Variants in FRMD4B observed in about 807,000 individuals in gnomAD.
FRMD4B encodes FERM domain containing 4B.
In FRMD4B, 74 loss-of-function variants were observed where a neutral mutation model predicts 141.5. That is an observed-to-expected ratio of 0.52 (90% CI 0.43 to 0.63). FRMD4B has a LOEUF of 0.63. FRMD4B is among the 30% of genes least tolerant of loss of function. FRMD4B has a pLI of 0.00. For missense variants in FRMD4B, 1,366 were observed against 1,253.4 expected, an observed-to-expected ratio of 1.09 and a Z score of -1.36; for synonymous variants, 506 against 467.9, an observed-to-expected ratio of 1.08 and a Z score of -1.05.
At chr3:69,497,720 T>C (rs1336549008) in intron 1 of FRMD4B, among the ~76,000 whole-genome samples, 2 of 152,132 alleles carry the variant, frequency 1.3e-5, no homozygotes, top group African/African-American at 4.8e-5. Flanking sequence ...TCATGGAACT[T>C]TTTTTAAGAC....
chr3:69,457,300 C>G (rs1366363220), intron 1 of FRMD4B, among the ~76,000 whole-genome samples: 1 of 152,134 alleles, frequency 6.6e-6, no homozygotes, highest in Admixed American at 6.5e-5. Context: ...GTTAGCATGG[C>G]TGTATCTGGG....
exon 1 of FRMD4B, chr3:69,542,241 C>A (rs139994214): frequency 0.02 from 3,070 of 152,388 alleles, 34 homozygotes; most frequent in Non-Finnish European, 0.031. Flanking sequence ...CGCTCCGGGG[C>A]TGTAGACGGC....
intron 5 of FRMD4B, among the ~76,000 whole-genome samples, chr3:69,268,518 G>T (rs1039237667): frequency 2.6e-5 from 4 of 151,950 alleles, no homozygotes; most frequent in Non-Finnish European, 5.9e-5. Context: ...TTGCTTAAAC[G>T]CACCCTGGCA....
chr3:69,318,540 C>T (rs1253209347), intron 1 of FRMD4B, among the ~76,000 whole-genome samples: 2 of 152,078 alleles, frequency 1.3e-5, no homozygotes, highest in South Asian at 2.1e-4. Flanking sequence ...CACAGATGAA[C>T]TAGAGAGAAA....
intron 11 of FRMD4B, among the ~76,000 whole-genome samples, chr3:69,203,337 A>AGAAAG (rs1195361268): frequency 2.5e-5 from 3 of 120,296 alleles, no homozygotes; most frequent in African/African-American, 3.1e-5. Context: ...AAAAAAAAAA[A>AGAAAG]AAAAAAAGAA....
At chr3:69,235,006 C>T (rs1411291652) in intron 7 of FRMD4B, among the ~76,000 whole-genome samples, 3 of 151,322 alleles carry the variant, frequency 2.0e-5, no homozygotes, top group Non-Finnish European at 2.9e-5. Flanking sequence ...AAAAATTAGC[C>T]GGGTGTGGTG....
At chr3:69,346,642 A>G (rs1575752389) in intron 1 of FRMD4B, among the ~76,000 whole-genome samples, 1 of 152,170 alleles carries the variant, frequency 6.6e-6, no homozygotes, top group Admixed American at 6.5e-5. Flanking sequence ...CTCGGCAGAA[A>G]CTCTACAAGC....
intron 2 of FRMD4B, among the ~76,000 whole-genome samples, chr3:69,429,415 C>T (rs1243007908): frequency 1.3e-5 from 2 of 152,056 alleles, no homozygotes; most frequent in Non-Finnish European, 2.9e-5. Context: ...CTTCCAATGA[C>T]GAGTATTTAA....
At chr3:69,371,451 G>A (rs1703820776) in intron 1 of FRMD4B, among the ~76,000 whole-genome samples, 1 of 152,118 alleles carries the variant, frequency 6.6e-6, no homozygotes, top group Non-Finnish European at 1.5e-5. Flanking sequence ...TCTCAGAGTT[G>A]GGAAGTCATT....
chr3:69,503,420 C>A (rs1194893024), intron 1 of FRMD4B, among the ~76,000 whole-genome samples: 1 of 151,232 alleles, frequency 6.6e-6, no homozygotes, highest in African/African-American at 2.4e-5. Flanking sequence ...TCATTCTCAG[C>A]AAACTATCAC....
At chr3:69,375,074 A>T (rs950326924) in intron 1 of FRMD4B, among the ~76,000 whole-genome samples, 2 of 122,324 alleles carry the variant, frequency 1.6e-5, no homozygotes, top group Non-Finnish European at 3.2e-5. Context: ...CCAAGCATCC[A>T]TCCAACCAAA....
intron 1 of FRMD4B, among the ~76,000 whole-genome samples, chr3:69,349,374 A>G (rs963079352): frequency 3.3e-5 from 5 of 152,264 alleles, no homozygotes; most frequent in Non-Finnish European, 7.3e-5. Context: ...GGAAGAATCA[A>G]TATCGTGAAA....
chr3:69,397,442 T>A (rs1413209324), intron 2 of FRMD4B, among the ~76,000 whole-genome samples: 2 of 152,140 alleles, frequency 1.3e-5, no homozygotes, highest in Non-Finnish European at 2.9e-5. Flanking sequence ...TAAAAACCAA[T>A]GAATTGTACA....
intron 5 of FRMD4B, among the ~76,000 whole-genome samples, chr3:69,265,307 T>A (rs1243969352): frequency 1.8e-5 from 2 of 109,352 alleles, no homozygotes; most frequent in African/African-American, 3.4e-5. Context: ...TATATATATA[T>A]ATATATATGC....
rs568961085 is a variant in FRMD4B, at chr3:69,273,104, A to G, written c.501+14648T>C. On this transcript the variant is annotated intron_variant, in intron 5 of 22. Coordinates refer to ENST00000398540, the MANE Select transcript of FRMD4B (RefSeq NM_015123.3). ...TAGGAAAAAGAAAGAAGGAAAGTCA[A>G]TTACATTCAGGGCACTTTGGTTGAA... Among the ~76,000 whole-genome samples the G allele has an allele frequency of 3.9e-5, 6 of 152,294 alleles. No homozygotes were observed. In the East Asian group the frequency reaches 1.2e-3, roughly 29 times the overall value.
At chr3:69,180,186 A>G (rs1265088988) in intron 21 of FRMD4B, among the ~76,000 whole-genome samples, 2 of 148,024 alleles carry the variant, frequency 1.4e-5, no homozygotes, top group Non-Finnish European at 3.0e-5. Context: ...GCTTGAGGCC[A>G]GGAGTTTGAG....
chr3:69,540,604 C>G (rs1334642609), intron 1 of FRMD4B, among the ~76,000 whole-genome samples: 1 of 79,178 alleles, frequency 1.3e-5, no homozygotes, highest in Non-Finnish European at 2.3e-5. Context: ...CAGAGTGAGA[C>G]TCTGTCTCTA....
intron 1 of FRMD4B, among the ~76,000 whole-genome samples, chr3:69,470,122 T>C (rs1705863180): frequency 1.3e-5 from 2 of 152,162 alleles, no homozygotes; most frequent in South Asian, 4.1e-4. Flanking sequence ...AGAAAACAAG[T>C]TTATTATTTA....
chr3:69,404,987 G>T (rs532010065), intron 2 of FRMD4B, among the ~76,000 whole-genome samples: 1 of 152,294 alleles, frequency 6.6e-6, no homozygotes, highest in African/African-American at 2.4e-5. Flanking sequence ...AGAGAAATGT[G>T]AGGTGCCAAC....
Sources: gnomAD v4.1 joint callset for allele counts (sites outside exome capture counted in the v4.1 genomes callset) on GRCh38, gnomAD v4.1.1 for gene constraint, MANE v1.5 for transcripts, NCBI Gene and HGNC (gene_info 2026-07-23, HGNC 2026-07-21) for gene names.